The following LMX1A variants were observed in gnomAD, a reference collection of about 807,000 sequenced individuals.
LMX1A encodes the protein LIM homeobox transcription factor 1 alpha, also known as LIM homeobox transcription factor 1-alpha.
In LMX1A, 15 loss-of-function variants were observed where a neutral mutation model predicts 49.1. The ratio of observed to expected loss-of-function variants is 0.31; its 90% CI spans 0.20 to 0.47. The LOEUF (loss-of-function observed/expected upper bound fraction) is 0.47. LMX1A is among the 20% of genes least tolerant of loss of function. The pLI is 1.00. For missense variants in LMX1A, 372 were observed against 475.8 expected, an observed-to-expected ratio of 0.78 and a Z score of 2.03; for synonymous variants, 167 against 185.7, an observed-to-expected ratio of 0.90 and a Z score of 0.82.
chr1:165,285,061 C>A (rs1169044560), intron 3 of LMX1A, among the ~76,000 whole-genome samples: 2 of 152,236 alleles, frequency 1.3e-5, no homozygotes. Flanking sequence ...AGCCACATAT[C>A]CACAGTGCTG....
At chr1:165,265,792 G>C (rs763205858) in intron 3 of LMX1A, among the ~76,000 whole-genome samples, 11 of 152,134 alleles carry the variant, frequency 7.2e-5, no homozygotes, top group Non-Finnish European at 1.5e-4. Context: ...GATGGGCAGA[G>C]GAAAAGGGGT....
intron 4 of LMX1A, among the ~76,000 whole-genome samples, chr1:165,247,054 C>CTTGTTTTTTTTTTTTTTTTTTT (rs1652875442): frequency 1.9e-5 from 1 of 53,228 alleles, no homozygotes; most frequent in African/African-American, 7.2e-5. Flanking sequence ...TCAGCTTTTT[C>CTTGTTTTTTTTTTTTTTTTTTT]TTTTTTTTTT....
At chr1:165,292,585 C>G (rs1557875536) in intron 3 of LMX1A, among the ~76,000 whole-genome samples, 2 of 152,170 alleles carry the variant, frequency 1.3e-5, no homozygotes, top group Admixed American at 6.5e-5. Context: ...AGCTAACAGG[C>G]CTGACTGGTT....
intron 3 of LMX1A, among the ~76,000 whole-genome samples, chr1:165,339,090 A>G (rs141859728): frequency 1.3e-5 from 2 of 152,230 alleles, no homozygotes; most frequent in Non-Finnish European, 2.9e-5. Flanking sequence ...GCCCAGGCCC[A>G]GCCAGCCAAA....
chr1:165,208,217 T>TC, intron 6 of LMX1A, 85 bp from the exon 7 acceptor site: 3 of 1,247,858 alleles, frequency 2.4e-6, no homozygotes, highest in Non-Finnish European at 3.5e-6. Flanking sequence ...AGTGACACCT[T>TC]CCCCGGGAGA....
At chr1:165,270,106 A>G (rs1653752296) in intron 3 of LMX1A, among the ~76,000 whole-genome samples, 1 of 152,204 alleles carries the variant, frequency 6.6e-6, no homozygotes, top group African/African-American at 2.4e-5. Context: ...CCAACATGGT[A>G]GCCATGAGCC....
chr1:165,355,977 G>C lies in LMX1A; in HGVS notation c.-23+378C>G, dbSNP rs1218859385. 1 of 171,168 alleles carries C rather than the reference G, an allele frequency of 5.8e-6. No homozygotes were observed. The highest frequency in any genetic ancestry group is 6.0e-5 in the Admixed American group (1 of 16,630). 10.6% of individuals were successfully genotyped at this position (171,168 alleles called of 1,614,324 possible). A position where few individuals can be genotyped will look rare whatever the true frequency, so the allele number is the denominator to read the frequency against. ...TACTGGGGTATATTGGGTATATAAA[G>C]AGTGGGTACCCTCCCTCGAGCGACC... On this transcript the variant is annotated intron_variant, in intron 1 of 8. Coordinates refer to ENST00000342310, the MANE Select transcript of LMX1A (RefSeq NM_177398.4). This position sits in a 1 kb window ranked among gnomAD's most constrained non-coding sequence, Gnocchi z 4.7.
intron 4 of LMX1A, among the ~76,000 whole-genome samples, chr1:165,221,665 A>G (rs1487392463): frequency 1.3e-5 from 2 of 152,158 alleles, no homozygotes; most frequent in Non-Finnish European, 2.9e-5. Flanking sequence ...GGCAGGCCCC[A>G]AAGGGGAGCT....
At chr1:165,335,680 T>C (rs1655875076) in intron 3 of LMX1A, among the ~76,000 whole-genome samples, 1 of 152,210 alleles carries the variant, frequency 6.6e-6, no homozygotes, top group Admixed American at 6.5e-5. Context: ...TTGGGATTAA[T>C]GTACCAAATA....
chr1:165,255,990 T>C (rs1318697265), intron 3 of LMX1A, among the ~76,000 whole-genome samples: 2 of 150,458 alleles, frequency 1.3e-5, no homozygotes, highest in South Asian at 2.1e-4. Flanking sequence ...AAAAAGAATG[T>C]TGTGAGTTCC....
chr1:165,236,849 A>G (rs1368163470), intron 4 of LMX1A, among the ~76,000 whole-genome samples: 4 of 38,692 alleles, frequency 1.0e-4, no homozygotes, highest in Non-Finnish European at 1.8e-4. Context: ...ACAGGAGTTC[A>G]AAGTTTTTTT....
Position 165,273,423 on chromosome 1 carries a change from C to A in LMX1A, c.264-23783G>T, listed in dbSNP as rs1185186405. On this transcript the variant is annotated intron_variant, in intron 3 of 8. Transcript: ENST00000342310. ...ATCCATACAAAGCCCATTCACACAG[C>A]CAATTCACACAGGCAACTCAAAGGA... 5.7e-4 allele frequency among the ~76,000 whole-genome samples: 86 copies of A among 152,168 alleles called. 1 individual carries two copies. Among genetic ancestry groups the A allele is most frequent in the Admixed American group, 5.6e-3 (86 of 15,284 alleles).
chr1:165,286,888 T>C (rs1291351013), intron 3 of LMX1A, among the ~76,000 whole-genome samples: 1 of 152,170 alleles, frequency 6.6e-6, no homozygotes, highest in East Asian at 1.9e-4. Context: ...AATATTACCC[T>C]ATAAGTGAAG....
chr1:165,275,847 ATG>A (rs529022372), intron 3 of LMX1A, among the ~76,000 whole-genome samples: 27,315 of 138,910 alleles, frequency 0.2, 2,692 homozygotes, highest in African/African-American at 0.28. Context: ...GTGTGTGTGT[ATG>A]TGTGTGTGTG....
intron 4 of LMX1A, among the ~76,000 whole-genome samples, chr1:165,224,231 T>G (rs1651957042): frequency 6.6e-6 from 1 of 152,210 alleles, no homozygotes. Flanking sequence ...GCAAGTTTCC[T>G]GAGGCCTCCC....
At chr1:165,231,969 C>T (rs1652255763) in intron 4 of LMX1A, among the ~76,000 whole-genome samples, 1 of 152,188 alleles carries the variant, frequency 6.6e-6, no homozygotes, top group Non-Finnish European at 1.5e-5. Flanking sequence ...GTCTTATGCA[C>T]CTGGCAAGGT....
At chr1:165,257,258 T>C (rs532560769) in intron 3 of LMX1A, among the ~76,000 whole-genome samples, 1 of 152,006 alleles carries the variant, frequency 6.6e-6, no homozygotes, top group South Asian at 2.1e-4. Flanking sequence ...AACTCATGGG[T>C]CCTGTTTTGT....
intron 2 of LMX1A, among the ~76,000 whole-genome samples, chr1:165,353,563 A>G (rs1451730569): frequency 6.6e-6 from 1 of 152,226 alleles, no homozygotes; most frequent in Non-Finnish European, 1.5e-5. Context: ...CACATCCTGT[A>G]AGATTAAATT....
chr1:165,266,595 C>CTTTTTTTTTTTTTTTTTTT (rs61551654), intron 3 of LMX1A, among the ~76,000 whole-genome samples: 10 of 79,182 alleles, frequency 1.3e-4, no homozygotes, highest in East Asian at 8.2e-4. Flanking sequence ...TTCTTTCTTT[C>CTTTTTTTTTTTTTTTTTTT]TTTTTTTTTT....
Sources: gnomAD v4.1 joint callset for allele counts (sites outside exome capture counted in the v4.1 genomes callset) on GRCh38, gnomAD v4.1.1 for gene constraint, Gnocchi (gnomAD v3.1) non-coding constraint, MANE v1.5 for transcripts, NCBI Gene and HGNC (gene_info 2026-07-23, HGNC 2026-07-21) for gene names.